PIK3CG: variants seen among roughly 807,000 people sequenced by gnomAD.
The protein encoded by PIK3CG is phosphatidylinositol 4,5-bisphosphate 3-kinase catalytic subunit gamma isoform.
A neutral mutation model predicts 102.3 loss-of-function variants in PIK3CG; 55 were observed. That is an observed-to-expected ratio of 0.54 (90% CI 0.43 to 0.67). PIK3CG has a LOEUF of 0.67. PIK3CG is among the 30% of genes least tolerant of loss of function. The pLI is 0.00. For missense variants in PIK3CG, 1,258 were observed against 1,391.8 expected (o/e 0.90, Z 1.53); for synonymous variants, 552 against 540.0 (o/e 1.02, Z -0.31).
rs916813746 is a variant in PIK3CG, at chr7:106,867,324, A to G, written c.-12-226A>G. Among the ~76,000 whole-genome samples the G allele has an allele frequency of 1.4e-4, 22 of 152,184 alleles. No individual in the cohort carries two copies. Among genetic ancestry groups the G allele is most frequent in the African/African-American group, 5.3e-4 (22 of 41,424 alleles). On this transcript the variant is annotated intron_variant, in intron 1 of 10. Transcript: ENST00000496166. The surrounding 1 kb of genome is among the most constrained non-coding windows in gnomAD (Gnocchi z 5.1). ...AGATGAGAAACAGGCTCAGAGATTA[A>G]GCAGCCCAAATCACCCAGAAAGTAA...
rs920253995 is a variant in PIK3CG, at chr7:106,893,028, T to C, written c.3030+6736T>C. ...GTCCAACTTGAAGCAGTACATAGGC[T>C]GGATTAGAGAGGTGGAGGGTAGAGC... On this transcript the variant is annotated intron_variant, in intron 10 of 10. Transcript: ENST00000496166. This position sits in a 1 kb window ranked among gnomAD's most constrained non-coding sequence, Gnocchi z 4.4. Among the ~76,000 whole-genome samples, 2 of 152,140 alleles carry C rather than the reference T, an allele frequency of 1.3e-5. No individual in the cohort carries two copies. The highest frequency in any genetic ancestry group is 2.9e-5 in the Non-Finnish European group (2 of 68,032).
chr7:106,904,324 A>G (rs371706028), intron 10 of PIK3CG, among the ~76,000 whole-genome samples: 2 of 152,122 alleles, frequency 1.3e-5, no homozygotes, highest in Non-Finnish European at 2.9e-5. Context: ...ATAATCACTA[A>G]CTTTAGTTTT....
Position 106,905,169 on chromosome 7 carries a change from T to C in PIK3CG, c.3091T>C (p.Phe1031Leu), listed in dbSNP as rs766980797. 1 of 1,613,766 alleles carries C rather than the reference T, an allele frequency of 6.2e-7. No homozygotes were observed. The highest frequency in any genetic ancestry group is 8.5e-7 in the Non-Finnish European group (1 of 1,179,784). The stretch of plus-strand genomic sequence containing the variant: ...TCACACAAACCTACTGATCATCCTG[T>C]TCTCCATGATGCTGATGACAGGAAT... ...RHHTNLLIILFSMMLMTGMPQ... is the reference protein window; with the variant it reads ...RHHTNLLIILLSMMLMTGMPQ... The change falls in exon 11 of 11, where the codon TTC (phenylalanine) becomes CTC (leucine). Residue 1031 changes from phenylalanine (F) to leucine (L), a missense_variant. Coordinates refer to ENST00000496166, the MANE Select transcript of PIK3CG (RefSeq NM_001282426.2). The surrounding 1 kb of genome is among the most constrained non-coding windows in gnomAD (Gnocchi z 5.6).
intron 5 of PIK3CG, among the ~76,000 whole-genome samples, chr7:106,875,906 T>G (rs895279004): frequency 2.3e-5 from 3 of 127,912 alleles, no homozygotes; most frequent in Non-Finnish European, 3.4e-5. Flanking sequence ...CAGTTTTTTT[T>G]TTGTTTTTTT....
rs752490084 is a variant in PIK3CG at position 106,891,928 on chromosome 7, G to A, written c.3030+5636G>A. Among the ~76,000 whole-genome samples the A allele has an allele frequency of 3.3e-5, 5 of 151,980 alleles. No individual in the cohort carries two copies. The highest frequency in any genetic ancestry group is 7.4e-5 in the Non-Finnish European group (5 of 68,000). The stretch of plus-strand genomic sequence containing the variant: ...GCTCAGCCACATGCCCAGTCTCTAT[G>A]CAGGGTCCTGACTCAGGAGGTTTTT... On this transcript the variant is annotated intron_variant, in intron 10 of 10. Transcript: ENST00000496166. This position sits in a 1 kb window ranked among gnomAD's most constrained non-coding sequence, Gnocchi z 4.4.
Position 106,867,872 on chromosome 7 carries a change from G to A in PIK3CG, c.311G>A (p.Gly104Glu), listed in dbSNP as rs1186998186. ...HHFLLLYQKKGQWYEIYDKYQ... is the reference protein window; with the variant it reads ...HHFLLLYQKKEQWYEIYDKYQ... ...TTCCTCCTGCTCTATCAGAAGAAGG[G>A]GCAGTGGTACGAGATCTACGACAAG... Residue 104 changes from glycine to glutamate, a missense_variant, in exon 2 of 11, where the codon GGG becomes GAG. Coordinates refer to ENST00000496166, the MANE Select transcript of PIK3CG (RefSeq NM_001282426.2). This position sits in a 1 kb window ranked among gnomAD's most constrained non-coding sequence, Gnocchi z 5.1. 6.8e-6 allele frequency: 11 copies of A among 1,612,950 alleles called. No homozygotes were observed. Among genetic ancestry groups the A allele is most frequent in the Non-Finnish European group, 9.3e-6 (11 of 1,179,930 alleles).
Position 106,890,395 on chromosome 7 carries a change from A to G in PIK3CG, c.3030+4103A>G, listed in dbSNP as rs1193573533. Among the ~76,000 whole-genome samples the G allele has an allele frequency of 1.3e-5, 2 of 152,156 alleles. No individual in the cohort carries two copies. Among genetic ancestry groups the G allele is most frequent in the South Asian group, 2.1e-4 (1 of 4,822 alleles). ...ACGGGGTTTCACCGTGTTAACCAGG[A>G]TGGTCTCAATCTCCTGACCTCGTGA... is the stretch of plus-strand genomic sequence containing the variant. On this transcript the variant is annotated intron_variant, in intron 10 of 10. Transcript: ENST00000496166. The surrounding 1 kb of genome is among the most constrained non-coding windows in gnomAD (Gnocchi z 4.2).
intron 5 of PIK3CG, among the ~76,000 whole-genome samples, chr7:106,878,963 A>G (rs1790852050): frequency 6.6e-6 from 1 of 152,218 alleles, no homozygotes; most frequent in Non-Finnish European, 1.5e-5. Context: ...CTGCCAAGCC[A>G]CATTTCCCCT....
rs1401337314 is a variant in PIK3CG, at chr7:106,872,432, C to T, written c.1996-105C>T. 1.0e-5 allele frequency: 9 copies of T among 863,442 alleles called. No individual in the cohort carries two copies. Among genetic ancestry groups the T allele is most frequent in the South Asian group, 7.4e-5 (5 of 67,968 alleles). 53.5% of individuals were successfully genotyped at this position (863,442 alleles called of 1,614,324 possible). On this transcript the variant is annotated intron_variant, in intron 2 of 10. Coordinates refer to ENST00000496166, the MANE Select transcript of PIK3CG (RefSeq NM_001282426.2). This position sits in a 1 kb window ranked among gnomAD's most constrained non-coding sequence, Gnocchi z 5.3. ...CTGTTAAGATTTTCATCTTTCTAGC[C>T]GTGAAGACCCAGTAAAGCAGAGCAC...
At chr7:106,870,824 CT>C (rs1790509451) in intron 2 of PIK3CG, among the ~76,000 whole-genome samples, 1 of 152,140 alleles carries the variant, frequency 6.6e-6, no homozygotes, top group African/African-American at 2.4e-5. Flanking sequence ...TTACATTTGG[CT>C]TTGTTTTCAT....
At chr7:106,900,854 T>C (rs1261899581) in intron 10 of PIK3CG, among the ~76,000 whole-genome samples, 1 of 152,142 alleles carries the variant, frequency 6.6e-6, no homozygotes, top group Admixed American at 6.5e-5. Flanking sequence ...TGGTTGAAGA[T>C]TTTTTTCTTT....
chr7:106,900,559 C>A (rs1005939258), intron 10 of PIK3CG, among the ~76,000 whole-genome samples: 26 of 152,164 alleles, frequency 1.7e-4, no homozygotes, highest in Non-Finnish European at 8.8e-5. Context: ...CATTTACATT[C>A]AAGGTCAGTA....
chr7:106,876,454 C>T lies in PIK3CG; in HGVS notation c.2391+1651C>T, dbSNP rs140983238. Reference sequence around the variant, plus strand: ...TCGCCCAGGGTGGAGTGCAGAGGCACGATCTCGGCTCACTGCAAGCTCCTC... The same window carrying T: ...TCGCCCAGGGTGGAGTGCAGAGGCATGATCTCGGCTCACTGCAAGCTCCTC... On this transcript the variant is annotated intron_variant, in intron 5 of 10. Coordinates refer to ENST00000496166, the MANE Select transcript of PIK3CG (RefSeq NM_001282426.2). Among the ~76,000 whole-genome samples, 1,316 of 150,502 alleles carry T rather than the reference C, an allele frequency of 8.7e-3. 26 individuals carry two copies. Among genetic ancestry groups the T allele is most frequent in the African/African-American group, 0.03 (1,242 of 41,006 alleles).
In PIK3CG at chr7:106,893,196, C is replaced by T. The variant is rs147077803; in HGVS notation, c.3030+6904C>T. ...ATAAAGGATTCCGTCTTGGGATCTG[C>T]ACCCCGACCCACTGACTAGGCCAGG... On this transcript the variant is annotated intron_variant, in intron 10 of 10. Transcript: ENST00000496166. This position sits in a 1 kb window ranked among gnomAD's most constrained non-coding sequence, Gnocchi z 4.4. 7.3e-4 allele frequency among the ~76,000 whole-genome samples: 111 copies of T among 152,306 alleles called. No individual in the cohort carries two copies. The highest frequency in any genetic ancestry group is 2.6e-3 in the African/African-American group (107 of 41,580).
rs772210971 is a variant in PIK3CG at position 106,869,265 on chromosome 7, A to G, written c.1704A>G (p.Thr568=). The G allele has an allele frequency of 3.1e-6, 5 of 1,614,124 alleles. No homozygotes were observed. In the African/African-American group the frequency reaches 5.3e-5, roughly 17 times the overall value. The change falls in exon 2 of 11, where the codon ACA becomes ACG. Residue 568 remains threonine, a synonymous_variant. Transcript: ENST00000496166. The surrounding 1 kb of genome is among the most constrained non-coding windows in gnomAD (Gnocchi z 5.3). ...CCACTGATCCACTTAACCCTCTCAC[A>G]GCAGAGGACAAAGAATTGCTCTGGC... ...IIATDPLNPL[T]AEDKELLWHF...
intron 10 of PIK3CG, among the ~76,000 whole-genome samples, chr7:106,889,735 G>T (rs146342104): frequency 6.6e-6 from 1 of 152,342 alleles, no homozygotes; most frequent in Admixed American, 6.5e-5. Context: ...ATGGAAGTAA[G>T]AGGAACTGAA....
chr7:106,884,355 T>G lies in PIK3CG; in HGVS notation c.2872+89T>G. The stretch of plus-strand genomic sequence containing the variant: ...TATTTTAACTCTAATTAACTGTAAG[T>G]GTTCAGTTCAGTGGCATTACATATG... On this transcript the variant is annotated intron_variant, in intron 9 of 10. Coordinates refer to ENST00000496166, the MANE Select transcript of PIK3CG (RefSeq NM_001282426.2). This position sits in a 1 kb window ranked among gnomAD's most constrained non-coding sequence, Gnocchi z 4.2. The G allele has an allele frequency of 1.2e-6, 1 of 855,718 alleles. No individual in the cohort carries two copies. The highest frequency in any genetic ancestry group is 2.6e-5 in the East Asian group (1 of 38,102). 53.0% of individuals were successfully genotyped at this position (855,718 alleles called of 1,614,324 possible).
At chr7:106,881,024 A>C (rs756071829) in intron 6 of PIK3CG, among the ~76,000 whole-genome samples, 1 of 152,124 alleles carries the variant, frequency 6.6e-6, no homozygotes, top group Non-Finnish European at 1.5e-5. Flanking sequence ...CTGGTCAAAA[A>C]AAACCTCTCT....
In PIK3CG at chr7:106,905,097, T is replaced by C. The variant is rs187526650; in HGVS notation, c.3031-12T>C. On this transcript the variant is annotated splice_polypyrimidine_tract_variant and intron_variant, in intron 10 of 10. Transcript: ENST00000496166. The surrounding 1 kb of genome is among the most constrained non-coding windows in gnomAD (Gnocchi z 5.6). ...TAACAACAGTAACAGCATTTTCTTC[T>C]TCTTTATCCAGGACATCTGTGTTAA... 1.8e-4 allele frequency: 282 copies of C among 1,608,354 alleles called. 1 individual carries two copies. The East Asian group carries it at 6.0e-3, about 34-fold the overall frequency.
Sources: allele counts gnomAD v4.1 joint callset (sites outside exome capture counted in the v4.1 genomes callset), GRCh38; gene constraint gnomAD v4.1.1; non-coding constraint Gnocchi (gnomAD v3.1); transcripts MANE v1.5; gene names NCBI Gene and HGNC (gene_info 2026-07-23, HGNC 2026-07-21).